LOC112694756: variants seen among roughly 807,000 people sequenced by gnomAD.
the LOC112694756 span, chr16:30,069,744 C>T: frequency 1.4e-5 from 22 of 1,611,324 alleles, no homozygotes; most frequent in African/African-American, 4.0e-5. Context: ...CCCATTTGGA[C>T]GGATTTCCAT....
chr16:30,067,048 C>T, the LOC112694756 span: 1 of 1,575,898 alleles, frequency 6.3e-7, no homozygotes, highest in African/African-American at 1.4e-5. Flanking sequence ...GGTACAGGGG[C>T]AGGCCTAGCA....
chr16:30,070,309 C>T, the LOC112694756 span: 1 of 1,213,720 alleles, frequency 8.2e-7, no homozygotes, highest in South Asian at 1.2e-5. Context: ...GCTGGCTTGC[C>T]CGCGCTCTTT....
At chr16:30,070,336 G>GT in the LOC112694756 span, 1 of 853,222 alleles carries the variant, frequency 1.2e-6, no homozygotes, top group Non-Finnish European at 1.9e-6. Context: ...TCGTGACAGT[G>GT]GTGTGTGGTG....
chr16:30,061,762 G>T, the LOC112694756 span, among the ~76,000 whole-genome samples: 1 of 151,418 alleles, frequency 6.6e-6, no homozygotes, highest in African/African-American at 2.4e-5. Context: ...GTTTCGCCAT[G>T]TTGGCCCAGC....
the LOC112694756 span, chr16:30,067,071 G>A: frequency 6.4e-7 from 1 of 1,572,790 alleles, no homozygotes; most frequent in Admixed American, 1.9e-5. Flanking sequence ...GGGAAGTTGG[G>A]CGTAAGAGAG....
the LOC112694756 span, among the ~76,000 whole-genome samples, chr16:30,065,311 GC>G: frequency 6.6e-6 from 1 of 152,312 alleles, no homozygotes; most frequent in East Asian, 1.9e-4. Flanking sequence ...GCGCGATGTG[GC>G]CCCTATGGTG....
At chr16:30,067,974 T>C in the LOC112694756 span, 6 of 438,376 alleles carry the variant, frequency 1.4e-5, no homozygotes, top group East Asian at 2.7e-4. Flanking sequence ...GTGTATCCTG[T>C]CTCAGAGGAT....
chr16:30,067,423 C>A, the LOC112694756 span: 2 of 1,613,490 alleles, frequency 1.2e-6, no homozygotes, highest in Non-Finnish European at 1.7e-6. Context: ...GCAGGCTGAT[C>A]CCCTAATTCC....
chr16:30,067,258 C>A, the LOC112694756 span: 4 of 1,612,340 alleles, frequency 2.5e-6, no homozygotes, highest in Non-Finnish European at 2.5e-6. Flanking sequence ...CAGCACCATG[C>A]CCTACCAATA....
the LOC112694756 span, chr16:30,069,776 C>G: frequency 6.2e-7 from 1 of 1,612,782 alleles, no homozygotes. Flanking sequence ...CCAGCTCCTG[C>G]CAGCTTCCTG....
chr16:30,069,882 C>G, the LOC112694756 span: 9 of 1,614,074 alleles, frequency 5.6e-6, no homozygotes, highest in African/African-American at 1.3e-5. Flanking sequence ...CCATCAACCT[C>G]AATGCCATTA....
chr16:30,066,977 T>A, the LOC112694756 span: 36 of 1,555,948 alleles, frequency 2.3e-5, no homozygotes, highest in Non-Finnish European at 3.1e-5. Context: ...TTTCCCCCAG[T>A]TGCCAGTGGG....
At chr16:30,066,580 T>C in the LOC112694756 span, among the ~76,000 whole-genome samples, 18 of 152,202 alleles carry the variant, frequency 1.2e-4, no homozygotes, top group Admixed American at 7.2e-4. Flanking sequence ...CTTGCTCTCT[T>C]ATATTTTTCC....
the LOC112694756 span, chr16:30,069,430 G>C: frequency 6.2e-7 from 1 of 1,613,838 alleles, no homozygotes; most frequent in South Asian, 1.1e-5. Context: ...GTGGCTGGCC[G>C]GGGACCCTGG....
the LOC112694756 span, among the ~76,000 whole-genome samples, chr16:30,054,320 G>T: frequency 5.9e-4 from 90 of 151,956 alleles, no homozygotes; most frequent in African/African-American, 1.8e-3. Flanking sequence ...GTCTCAATAA[G>T]AATAATAATA....
At chr16:30,067,849 T>A in the LOC112694756 span, 1 of 700,792 alleles carries the variant, frequency 1.4e-6, no homozygotes, top group Admixed American at 2.4e-5. Flanking sequence ...ATTCCCACTT[T>A]ACACATGAAA....
chr16:30,056,601 CT>C, the LOC112694756 span, among the ~76,000 whole-genome samples: 1 of 152,070 alleles, frequency 6.6e-6, no homozygotes, highest in Non-Finnish European at 1.5e-5. Flanking sequence ...TACTGTCCCC[CT>C]ATCCCCCGCC....
the LOC112694756 span, chr16:30,068,700 G>A: frequency 6.2e-7 from 1 of 1,614,222 alleles, no homozygotes; most frequent in Non-Finnish European, 8.5e-7. Flanking sequence ...TACCACCCAA[G>A]GTGAGAACTG....
chr16:30,069,869 C>T, the LOC112694756 span: 6 of 1,614,164 alleles, frequency 3.7e-6, no homozygotes, highest in Non-Finnish European at 5.1e-6. Context: ...GAGGAGGAGG[C>T]GTCCATCAAC....
Sources: allele counts gnomAD v4.1 joint callset (sites outside exome capture counted in the v4.1 genomes callset), GRCh38; gene constraint gnomAD v4.1.1; transcripts MANE v1.5.